The following CLASP2 variants were observed in gnomAD, a reference collection of about 807,000 sequenced individuals.
CLASP2 encodes the protein CLIP-associating protein 2.
Under a neutral mutation model 194.4 loss-of-function variants are expected in CLASP2, and 47 were observed. The observed-to-expected ratio is 0.24, with a 90% CI of 0.19 to 0.31. The LOEUF (loss-of-function observed/expected upper bound fraction) is 0.31, where lower values mean the gene tolerates loss of function less well. Ranked by LOEUF, CLASP2 falls within the 10% of genes least tolerant of loss-of-function variation. The pLI is 1.00. For missense variants in CLASP2, 1,445 were observed against 1,823.6 expected (o/e 0.79, Z 3.78); for synonymous variants, 619 against 633.5 (o/e 0.98, Z 0.34).
chr3:33,711,155 C>T (rs192290754), intron 1 of CLASP2, among the ~76,000 whole-genome samples: 95 of 152,136 alleles, frequency 6.2e-4, no homozygotes, highest in African/African-American at 2.2e-3. Context: ...TAAAATGAAG[C>T]CAGTTAAAGA....
At chr3:33,610,009 C>T (rs374943749) in intron 13 of CLASP2, among the ~76,000 whole-genome samples, 1 of 152,166 alleles carries the variant, frequency 6.6e-6, no homozygotes, top group Non-Finnish European at 1.5e-5. Flanking sequence ...TCATCTATAT[C>T]CAATTATCAA....
intron 32 of CLASP2, among the ~76,000 whole-genome samples, chr3:33,540,839 A>G (rs974655767): frequency 1.4e-4 from 21 of 150,644 alleles, no homozygotes; most frequent in Non-Finnish European, 3.1e-4. Context: ...GTAGCACGAC[A>G]TCAGCTCACT....
At chr3:33,583,845 T>A (rs550916239) in intron 22 of CLASP2, among the ~76,000 whole-genome samples, 2 of 152,150 alleles carry the variant, frequency 1.3e-5, no homozygotes, top group South Asian at 4.1e-4. Flanking sequence ...AAATGACGGA[T>A]CAAGTAGCAG....
chr3:33,645,023 G>A (rs949595331), intron 7 of CLASP2, 120 bp from the exon 8 acceptor site: 17 of 1,017,518 alleles, frequency 1.7e-5, no homozygotes, highest in African/African-American at 8.1e-5. Context: ...TATATAATAC[G>A]AAATAAAGGT....
chr3:33,678,706 C>T (rs1317909009), intron 6 of CLASP2, among the ~76,000 whole-genome samples: 1 of 152,112 alleles, frequency 6.6e-6, no homozygotes, highest in Non-Finnish European at 1.5e-5. Context: ...AGGTATAAAT[C>T]TAACGAAATA....
intron 8 of CLASP2, among the ~76,000 whole-genome samples, chr3:33,642,883 CGAA>C (rs1306995623): frequency 1.5e-4 from 22 of 147,466 alleles, no homozygotes; most frequent in East Asian, 1.4e-3. Flanking sequence ...ATTGCCAAAA[CGAA>C]GAAGAAGAAG....
At chr3:33,586,459 T>C (rs2154219542) in intron 21 of CLASP2, among the ~76,000 whole-genome samples, 1 of 152,102 alleles carries the variant, frequency 6.6e-6, no homozygotes, top group East Asian at 1.9e-4. Context: ...ATTTTCAGTT[T>C]TGGAAGGTGG....
chr3:33,583,185 G>A (rs1269101143), intron 22 of CLASP2, among the ~76,000 whole-genome samples: 1 of 152,110 alleles, frequency 6.6e-6, no homozygotes, highest in Non-Finnish European at 1.5e-5. Flanking sequence ...TGAAAAGAAA[G>A]TCTGGAAAAA....
chr3:33,560,739 T>C (rs139290196), intron 28 of CLASP2, 69 bp downstream of exon 28: 1 of 1,376,048 alleles, frequency 7.3e-7, no homozygotes, highest in African/African-American at 1.4e-5. Context: ...AAATCTGAAC[T>C]ATTAACACAG....
chr3:33,577,069 G>T, intron 23 of CLASP2: 1 of 599,148 alleles, frequency 1.7e-6, no homozygotes, highest in Non-Finnish European at 2.6e-6. Flanking sequence ...GAAAAAAAAA[G>T]TTTATTCTCC....
intron 23 of CLASP2, among the ~76,000 whole-genome samples, chr3:33,580,791 G>A (rs1399063675): frequency 3.3e-5 from 5 of 151,906 alleles, no homozygotes; most frequent in South Asian, 4.2e-4. Flanking sequence ...CGAGGCGGGC[G>A]GATCATGAGG....
At chr3:33,580,372 G>A (rs2065784497) in intron 23 of CLASP2, among the ~76,000 whole-genome samples, 1 of 152,014 alleles carries the variant, frequency 6.6e-6, no homozygotes. Context: ...GACCAGCTTG[G>A]TCCAGTATCA....
chr3:33,522,821 A>G (rs1217581178), intron 34 of CLASP2, among the ~76,000 whole-genome samples: 18 of 152,248 alleles, frequency 1.2e-4, no homozygotes, highest in Admixed American at 1.2e-3. Context: ...CTGTAATCCC[A>G]GCACTTTGGG....
chr3:33,698,801 C>T (rs2092157916), intron 1 of CLASP2, among the ~76,000 whole-genome samples: 1 of 152,146 alleles, frequency 6.6e-6, no homozygotes, highest in African/African-American at 2.4e-5. Flanking sequence ...TCTTAAACAT[C>T]TTAAACACTG....
intron 23 of CLASP2, among the ~76,000 whole-genome samples, chr3:33,579,126 C>A (rs952899881): frequency 2.6e-5 from 4 of 152,128 alleles, no homozygotes; most frequent in Non-Finnish European, 2.9e-5. Flanking sequence ...CTATGCAGTA[C>A]CCATATGTAA....
chr3:33,662,085 C>T (rs1406932112), intron 7 of CLASP2, among the ~76,000 whole-genome samples: 1 of 152,022 alleles, frequency 6.6e-6, no homozygotes, highest in Non-Finnish European at 1.5e-5. Flanking sequence ...AGACTAACTC[C>T]GAACCTCCCT....
At chr3:33,553,154 G>T (rs920429383) in intron 29 of CLASP2, among the ~76,000 whole-genome samples, 2 of 152,008 alleles carry the variant, frequency 1.3e-5, no homozygotes, top group Non-Finnish European at 2.9e-5. Flanking sequence ...GGTGAAATAA[G>T]GTCTCCGGGA....
At chr3:33,515,800 A>G (rs936559590) in intron 36 of CLASP2, among the ~76,000 whole-genome samples, 1 of 152,124 alleles carries the variant, frequency 6.6e-6, no homozygotes, top group Non-Finnish European at 1.5e-5. Flanking sequence ...AACAAAATAA[A>G]ATAAATTATT....
chr3:33,716,833 T>A lies in CLASP2; in HGVS notation c.195+975A>T, dbSNP rs1182066928. Among the ~76,000 whole-genome samples the A allele has an allele frequency of 2.0e-5, 3 of 152,268 alleles. No individual in the cohort carries two copies. In the South Asian group the frequency reaches 6.2e-4, roughly 32 times the overall value. On this transcript the variant is annotated intron_variant, in intron 1 of 38. Coordinates refer to ENST00000682230, the MANE Select transcript of CLASP2 (RefSeq NM_001365631.1). ...TTAAATCTGCGTCATAATTCTAGAG[T>A]TTGTCTTTCTTCTCTTTTTGAATAA...
Sources: allele counts gnomAD v4.1 joint callset (sites outside exome capture counted in the v4.1 genomes callset), GRCh38; gene constraint gnomAD v4.1.1; transcripts MANE v1.5; gene names NCBI Gene and HGNC (gene_info 2026-07-23, HGNC 2026-07-21).